The following MAGI2 variants were observed in gnomAD, a reference collection of about 807,000 sequenced individuals.
MAGI2 encodes membrane-associated guanylate kinase, WW and PDZ domain-containing protein 2.
A neutral mutation model predicts 133.3 loss-of-function variants in MAGI2; 35 were observed. The observed-to-expected ratio is 0.26, with a 90% CI of 0.20 to 0.35. The LOEUF is 0.35. Ranked by LOEUF, MAGI2 falls within the 10% of genes least tolerant of loss-of-function variation. The pLI is 1.00. For synonymous variants in MAGI2, 729 were observed against 710.6 expected (o/e 1.03, Z -0.41); for missense variants, 1,636 against 1,863.4 (o/e 0.88, Z 2.25).
chr7:78,925,039 T>G (rs1021471629), intron 2 of MAGI2, among the ~76,000 whole-genome samples: 1 of 151,978 alleles, frequency 6.6e-6, no homozygotes, highest in Non-Finnish European at 1.5e-5. Flanking sequence ...CCCTAAAAGA[T>G]AATTAGAGTC....
intron 3 of MAGI2, among the ~76,000 whole-genome samples, chr7:78,597,688 C>T (rs556885404): frequency 5.3e-5 from 8 of 152,244 alleles, no homozygotes; most frequent in East Asian, 1.9e-4. Context: ...ATGCGACTGA[C>T]CCTGGGAAAT....
intron 1 of MAGI2, among the ~76,000 whole-genome samples, chr7:79,039,183 A>C (rs1811389448): frequency 6.6e-6 from 1 of 151,620 alleles, no homozygotes; most frequent in African/African-American, 2.4e-5. Flanking sequence ...TGATGGTTTT[A>C]TAAGGGGCTT....
intron 2 of MAGI2, among the ~76,000 whole-genome samples, chr7:78,634,861 C>T (rs1004365882): frequency 2.0e-5 from 3 of 152,004 alleles, no homozygotes; most frequent in African/African-American, 4.8e-5. Context: ...TGGGACTTTC[C>T]TAAGTGGTGT....
intron 6 of MAGI2, among the ~76,000 whole-genome samples, chr7:78,418,271 A>T (rs1032587095): frequency 6.6e-6 from 1 of 152,186 alleles, no homozygotes; most frequent in African/African-American, 2.4e-5. Context: ...AGCAATAACC[A>T]TATGCATTTA....
chr7:78,505,963 A>C (rs1235233213), intron 4 of MAGI2, among the ~76,000 whole-genome samples: 1 of 117,972 alleles, frequency 8.5e-6, no homozygotes, highest in Non-Finnish European at 1.7e-5. Flanking sequence ...GGGCTGGATT[A>C]AGTGAGGCTC....
chr7:78,864,527 T>A (rs143430757), intron 2 of MAGI2, among the ~76,000 whole-genome samples: 58 of 152,356 alleles, frequency 3.8e-4, no homozygotes, highest in African/African-American at 1.3e-3. Flanking sequence ...TTAGTCCTGC[T>A]GATATGCAAA....
chr7:78,942,546 C>T (rs979562955), intron 2 of MAGI2, among the ~76,000 whole-genome samples: 1 of 152,050 alleles, frequency 6.6e-6, no homozygotes, highest in Non-Finnish European at 1.5e-5. Context: ...TCTGTCATTT[C>T]GGGAATATTG....
At chr7:78,229,958 G>A (rs1451355044) in intron 10 of MAGI2, among the ~76,000 whole-genome samples, 2 of 152,208 alleles carry the variant, frequency 1.3e-5, no homozygotes, top group African/African-American at 2.4e-5. Context: ...GAAAAATGAC[G>A]ATTAGAACAT....
intron 1 of MAGI2, 63 bp downstream of exon 1, chr7:79,452,957 A>G (rs935644604): frequency 1.3e-6 from 2 of 1,485,260 alleles, no homozygotes; most frequent in Non-Finnish European, 1.8e-6. Context: ...CCACCCTTTC[A>G]TTGCCCTGCG....
At chr7:79,265,300 T>C (rs537950476) in intron 1 of MAGI2, among the ~76,000 whole-genome samples, 1 of 152,242 alleles carries the variant, frequency 6.6e-6, no homozygotes, top group African/African-American at 2.4e-5. Flanking sequence ...GTCTAGGTGA[T>C]GGTAATACAC....
intron 1 of MAGI2, among the ~76,000 whole-genome samples, chr7:79,298,396 T>C (rs1285015201): frequency 6.6e-6 from 1 of 152,110 alleles, no homozygotes; most frequent in Non-Finnish European, 1.5e-5. Context: ...AGTTCCTAAC[T>C]TGGGGAGCTA....
chr7:78,438,567 G>C (rs111780609), intron 6 of MAGI2, among the ~76,000 whole-genome samples: 1,669 of 152,260 alleles, frequency 0.011, 23 homozygotes, highest in African/African-American at 0.037. Flanking sequence ...TTTTACGGTG[G>C]AGATGCTAGA....
intron 2 of MAGI2, among the ~76,000 whole-genome samples, chr7:78,757,006 T>C (rs1012370906): frequency 2.0e-5 from 3 of 152,160 alleles, no homozygotes; most frequent in Non-Finnish European, 4.4e-5. Flanking sequence ...TTTCCTAGAC[T>C]TGAGAACTTC....
At chr7:78,932,848 A>G (rs1304729319) in intron 2 of MAGI2, among the ~76,000 whole-genome samples, 2 of 152,152 alleles carry the variant, frequency 1.3e-5, no homozygotes, top group African/African-American at 4.8e-5. Context: ...CTGATGAAAC[A>G]TCACTGTCTT....
chr7:78,326,258 C>T (rs1211364829), intron 9 of MAGI2, among the ~76,000 whole-genome samples: 1 of 152,176 alleles, frequency 6.6e-6, no homozygotes, highest in Non-Finnish European at 1.5e-5. Context: ...ATTCTCTGAA[C>T]CTGGATTGCC....
At chr7:79,039,723 T>G (rs531638353) in intron 1 of MAGI2, among the ~76,000 whole-genome samples, 31 of 151,570 alleles carry the variant, frequency 2.0e-4, no homozygotes, top group African/African-American at 7.5e-4. Context: ...GGCTCACATC[T>G]GTAATCCGAG....
At chr7:78,962,688 T>C (rs11983739) in intron 2 of MAGI2, among the ~76,000 whole-genome samples, 4,586 of 152,086 alleles carry the variant, frequency 0.03, 262 homozygotes, top group East Asian at 0.17. Flanking sequence ...TGGCATTGAT[T>C]AATAAAACCT....
chr7:78,368,930 T>G (rs1793652450), intron 7 of MAGI2, among the ~76,000 whole-genome samples: 1 of 152,106 alleles, frequency 6.6e-6, no homozygotes, highest in Admixed American at 6.6e-5. Flanking sequence ...GAAACACACT[T>G]TTTCAATTGG....
chr7:79,136,436 C>G (rs896463718), intron 1 of MAGI2, among the ~76,000 whole-genome samples: 3 of 152,204 alleles, frequency 2.0e-5, no homozygotes, highest in Non-Finnish European at 2.9e-5. Flanking sequence ...AGTGAACATT[C>G]AAGGACTAGC....
Sources: gnomAD v4.1 joint callset for allele counts (sites outside exome capture counted in the v4.1 genomes callset) on GRCh38, gnomAD v4.1.1 for gene constraint, MANE v1.5 for transcripts, NCBI Gene and HGNC (gene_info 2026-07-23, HGNC 2026-07-21) for gene names.